The following NCAM1 variants were observed in gnomAD, a reference collection of about 807,000 sequenced individuals.
NCAM1 encodes the protein neural cell adhesion molecule 1.
Under a neutral mutation model 109.8 loss-of-function variants are expected in NCAM1, and 14 were observed. The observed-to-expected ratio is 0.13, with a 90% confidence interval of 0.08 to 0.20. The LOEUF is 0.20. Among genes scored for constraint, NCAM1 ranks in the 10% least tolerant of loss-of-function variants. The pLI is 1.00. For synonymous variants in NCAM1, 418 were observed against 442.9 expected (o/e 0.94, Z 0.70); for missense variants, 774 against 1,109.9 (o/e 0.70, Z 4.30).
intron 1 of NCAM1, among the ~76,000 whole-genome samples, chr11:113,046,302 A>G (rs1953264070): frequency 6.6e-6 from 1 of 152,236 alleles, no homozygotes; most frequent in Admixed American, 6.5e-5. Flanking sequence ...ACTTAAAAGC[A>G]CAGAGCTCGT....
chr11:113,043,597 A>G (rs1555080323), intron 1 of NCAM1, among the ~76,000 whole-genome samples: 4 of 152,248 alleles, frequency 2.6e-5, no homozygotes, highest in Non-Finnish European at 2.9e-5. Context: ...CGGCCTCTCA[A>G]ACTGCTGGGA....
chr11:113,079,460 G>A (rs1413681658), intron 1 of NCAM1, among the ~76,000 whole-genome samples: 1 of 152,098 alleles, frequency 6.6e-6, no homozygotes, highest in African/African-American at 2.4e-5. Flanking sequence ...AAGGAACTGG[G>A]TATGTCCCAA....
chr11:113,179,420 CA>C (rs1399167207), intron 1 of NCAM1, among the ~76,000 whole-genome samples: 28 of 152,352 alleles, frequency 1.8e-4, no homozygotes, highest in African/African-American at 6.0e-4. Context: ...CTCAGCTAAG[CA>C]ATTTGGTGTC....
In NCAM1 at chr11:113,199,829, T is replaced by TGAAAAAAAAAAAAAAAA. The variant is rs60389510; in HGVS notation, c.53-2550_53-2549insGAAAAAAAAAAAAAAAA. Among the ~76,000 whole-genome samples the TGAAAAAAAAAAAAAAAA allele has an allele frequency of 3.3e-4, 38 of 115,774 alleles. 4 individuals carry two copies. Among genetic ancestry groups the TGAAAAAAAAAAAAAAAA allele is most frequent in the African/African-American group, 1.2e-3 (36 of 29,348 alleles). The allele number at this position is 115,774 out of a possible 152,430, so 76.0% of individuals were successfully genotyped here. On this transcript the variant is annotated intron_variant, in intron 1 of 19. Coordinates refer to ENST00000316851, the MANE Select transcript of NCAM1 (RefSeq NM_181351.5). Reference sequence around the variant, plus strand: ...GCAAATAAAGTAAAAGAAACACCCTTAAAAAAAAAAAAAAAAAAAACTTCT... The same window carrying TGAAAAAAAAAAAAAAAA: ...GCAAATAAAGTAAAAGAAACACCCTTGAAAAAAAAAAAAAAAAAAAAAAAAAAAAAAAAAAAACTTCT...
At chr11:113,224,155 C>A (rs1445342777) in intron 9 of NCAM1, among the ~76,000 whole-genome samples, 1 of 152,214 alleles carries the variant, frequency 6.6e-6, no homozygotes, top group Non-Finnish European at 1.5e-5. Context: ...CTGGGAAGCA[C>A]AAGGGGTCAG....
rs1408826201 is a variant in NCAM1 at position 113,277,738 on chromosome 11, C to A, written c.*2351C>A. 2 of 274,682 alleles carry A rather than the reference C, an allele frequency of 7.3e-6. No individual in the cohort carries two copies. The highest frequency in any genetic ancestry group is 6.8e-6 in the Non-Finnish European group (1 of 147,516). 17.0% of individuals were successfully genotyped at this position (274,682 alleles called of 1,614,324 possible). ...GATCACCTGGCCCGGGACAGCTGAC[C>A]CCCTAGAACCCTGGCTCTGCCATTA... On this transcript the variant is annotated 3_prime_UTR_variant, in exon 20 of 20. Coordinates refer to ENST00000316851, the MANE Select transcript of NCAM1 (RefSeq NM_181351.5).
At chr11:113,127,712 G>A (rs1370420030) in intron 1 of NCAM1, among the ~76,000 whole-genome samples, 1 of 152,204 alleles carries the variant, frequency 6.6e-6, no homozygotes, top group East Asian at 1.9e-4. Context: ...ACAATAAAAA[G>A]CTTAAGTGAT....
chr11:113,027,060 C>G (rs1339957176), intron 1 of NCAM1, among the ~76,000 whole-genome samples: 1 of 152,170 alleles, frequency 6.6e-6, no homozygotes, highest in Non-Finnish European at 1.5e-5. Flanking sequence ...ACTGCTTTTT[C>G]CTCCTACATC....
intron 14 of NCAM1, chr11:113,235,439 T>C (rs1395693872): frequency 6.3e-5 from 44 of 698,690 alleles, no homozygotes; most frequent in Non-Finnish European, 1.1e-4. Flanking sequence ...CACCAACACA[T>C]TATTAAAGGA....
At chr11:113,049,798 C>T (rs1211235198) in intron 1 of NCAM1, among the ~76,000 whole-genome samples, 1 of 152,190 alleles carries the variant, frequency 6.6e-6, no homozygotes, top group African/African-American at 2.4e-5. Flanking sequence ...CAATCATTTC[C>T]CATAAAACTA....
intron 1 of NCAM1, among the ~76,000 whole-genome samples, chr11:113,111,336 A>G (rs2135955180): frequency 6.6e-6 from 1 of 152,338 alleles, no homozygotes; most frequent in East Asian, 1.9e-4. Flanking sequence ...ATTAGAAAAT[A>G]TAGATGAGCA....
At chr11:113,275,198 G>A in intron 19 of NCAM1, 69 bp from the exon 20 acceptor site, 1 of 1,592,712 alleles carries the variant, frequency 6.3e-7, no homozygotes, top group Non-Finnish European at 8.6e-7. Context: ...TGTCCCCAAG[G>A]CCTGGATGCA....
intron 1 of NCAM1, among the ~76,000 whole-genome samples, chr11:113,077,584 G>A (rs1465765): frequency 0.2 from 29,735 of 152,052 alleles, 3,178 homozygotes; most frequent in East Asian, 0.48. Context: ...CAGCCCATAT[G>A]CCAAAATGTG....
chr11:113,207,045 G>GA (rs1393694569), intron 5 of NCAM1, among the ~76,000 whole-genome samples: 1 of 152,138 alleles, frequency 6.6e-6, no homozygotes, highest in Admixed American at 6.5e-5. Flanking sequence ...CTCAATTAAT[G>GA]AAAAACAAAA....
At chr11:112,992,863 C>A (rs1036342044) in intron 1 of NCAM1, among the ~76,000 whole-genome samples, 4 of 152,110 alleles carry the variant, frequency 2.6e-5, no homozygotes, top group Non-Finnish European at 5.9e-5. Flanking sequence ...AATGTATAAG[C>A]AAATACAAAA....
intron 1 of NCAM1, among the ~76,000 whole-genome samples, chr11:113,017,115 A>G (rs1952226394): frequency 6.6e-6 from 1 of 152,150 alleles, no homozygotes; most frequent in Non-Finnish European, 1.5e-5. Flanking sequence ...GACAGTTTGA[A>G]TCCTTGACTC....
intron 1 of NCAM1, among the ~76,000 whole-genome samples, chr11:112,968,225 A>C (rs1359101280): frequency 6.6e-6 from 1 of 152,258 alleles, no homozygotes; most frequent in Non-Finnish European, 1.5e-5. Context: ...TTTATTTGAC[A>C]GAAGATCTTA....
intron 1 of NCAM1, among the ~76,000 whole-genome samples, chr11:113,168,732 C>A (rs1468146904): frequency 6.6e-6 from 1 of 152,132 alleles, no homozygotes; most frequent in Non-Finnish European, 1.5e-5. Flanking sequence ...GATCCAGTTT[C>A]TTTTGTTGAA....
At chr11:113,188,062 C>T (rs1555109186) in intron 1 of NCAM1, among the ~76,000 whole-genome samples, 1 of 152,188 alleles carries the variant, frequency 6.6e-6, no homozygotes, top group African/African-American at 2.4e-5. Flanking sequence ...GCTACTGTTG[C>T]TGCTGTTGGG....
Sources: gnomAD v4.1 joint callset for allele counts (sites outside exome capture counted in the v4.1 genomes callset) on GRCh38, gnomAD v4.1.1 for gene constraint, MANE v1.5 for transcripts, NCBI Gene and HGNC (gene_info 2026-07-23, HGNC 2026-07-21) for gene names.